Variants in SERINC5 observed in about 807,000 individuals in gnomAD.
The protein encoded by SERINC5 is serine incorporator 5.
A neutral mutation model predicts 63.1 loss-of-function variants in SERINC5; 41 were observed. The ratio of observed to expected loss-of-function variants is 0.65; its 90% CI spans 0.51 to 0.84. The LOEUF is 0.84. Among genes scored for constraint, SERINC5 ranks in the 40% least tolerant of loss-of-function variants. The pLI is 0.00. For synonymous variants in SERINC5, 222 were observed against 215.2 expected (o/e 1.03, Z -0.28); for missense variants, 523 against 573.0 (o/e 0.91, Z 0.89).
intron 11 of SERINC5, among the ~76,000 whole-genome samples, chr5:80,131,289 G>T (rs892643656): frequency 6.6e-6 from 1 of 152,180 alleles, no homozygotes; most frequent in African/African-American, 2.4e-5. Context: ...TCTCTTGCCT[G>T]CCACCATGTA....
intron 1 of SERINC5, among the ~76,000 whole-genome samples, chr5:80,248,233 C>A (rs145877238): frequency 1.3e-5 from 2 of 152,134 alleles, no homozygotes; most frequent in African/African-American, 4.8e-5. Flanking sequence ...ACTCTTATGA[C>A]ACTATGCCAA....
chr5:80,214,570 AC>A (rs1256722598), intron 1 of SERINC5, among the ~76,000 whole-genome samples: 2 of 151,088 alleles, frequency 1.3e-5, no homozygotes, highest in Admixed American at 6.6e-5. Context: ...CAAAAAAAAA[AC>A]GAACAAAAAA....
intron 1 of SERINC5, among the ~76,000 whole-genome samples, chr5:80,208,024 T>C (rs1359366148): frequency 6.6e-6 from 1 of 152,126 alleles, no homozygotes; most frequent in Non-Finnish European, 1.5e-5. Context: ...CTTTCAAAAC[T>C]GGAAAAATCA....
intron 2 of SERINC5, among the ~76,000 whole-genome samples, chr5:80,201,068 C>T (rs1212499971): frequency 6.6e-6 from 1 of 152,096 alleles, no homozygotes; most frequent in Non-Finnish European, 1.5e-5. Flanking sequence ...CATTGCACTC[C>T]AGCCTGGGCA....
intron 10 of SERINC5, among the ~76,000 whole-genome samples, 152 bp downstream of exon 10, chr5:80,147,093 A>G (rs1745873450): frequency 6.6e-6 from 1 of 152,250 alleles, no homozygotes. Flanking sequence ...TTCAGGAAGA[A>G]TGTGAAAAGT....
chr5:80,147,399 T>A, intron 9 of SERINC5, 115 bp from the exon 10 acceptor site: 2 of 1,070,210 alleles, frequency 1.9e-6, no homozygotes, highest in Non-Finnish European at 2.7e-6. Context: ...AGATGTGGAC[T>A]GTTCTTTCCC....
intron 2 of SERINC5, among the ~76,000 whole-genome samples, chr5:80,184,977 AG>A (rs908196887): frequency 6.6e-6 from 1 of 152,056 alleles, no homozygotes; most frequent in African/African-American, 2.4e-5. Context: ...CCCAGGTTCA[AG>A]CGATTCTCCT....
intron 1 of SERINC5, among the ~76,000 whole-genome samples, chr5:80,234,337 C>T (rs549472079): frequency 6.6e-6 from 1 of 152,246 alleles, no homozygotes; most frequent in South Asian, 2.1e-4. Flanking sequence ...CCATTCACCT[C>T]ACTACACTTA....
chr5:80,239,770 G>T (rs1751868634), intron 1 of SERINC5, among the ~76,000 whole-genome samples: 2 of 152,108 alleles, frequency 1.3e-5, no homozygotes, highest in African/African-American at 4.8e-5. Flanking sequence ...GCAGGAAGAA[G>T]AATTAAACCA....
intron 2 of SERINC5, among the ~76,000 whole-genome samples, chr5:80,200,268 G>A (rs1210635566): frequency 6.6e-6 from 1 of 151,092 alleles, no homozygotes; most frequent in African/African-American, 2.4e-5. Flanking sequence ...ACGAGGTCAG[G>A]AGATCGAGAC....
At chr5:80,202,538 G>T (rs1444634803) in intron 2 of SERINC5, among the ~76,000 whole-genome samples, 2 of 152,042 alleles carry the variant, frequency 1.3e-5, no homozygotes, top group Non-Finnish European at 2.9e-5. Context: ...TGCACCGAAG[G>T]CCCTGACTTC....
chr5:80,174,293 G>C (rs973696229), intron 5 of SERINC5, among the ~76,000 whole-genome samples: 1 of 150,968 alleles, frequency 6.6e-6, no homozygotes. Flanking sequence ...CTGAAGCCTG[G>C]GAAATCGAAG....
intron 2 of SERINC5, among the ~76,000 whole-genome samples, chr5:80,188,785 G>A (rs1046844745): frequency 3.2e-4 from 49 of 152,254 alleles, no homozygotes; most frequent in African/African-American, 9.4e-4. Flanking sequence ...TTACTCAGGA[G>A]GCTGGGGTAG....
rs147637129 is a variant in SERINC5, at chr5:80,142,144, C to T, written c.*1519G>A. 11 of 985,386 alleles carry T rather than the reference C, an allele frequency of 1.1e-5. No individual in the cohort carries two copies. Among genetic ancestry groups the T allele is most frequent in the East Asian group, 2.3e-4 (2 of 8,814 alleles). 61.0% of individuals were successfully genotyped at this position (985,386 alleles called of 1,614,324 possible). A position where few individuals can be genotyped will look rare whatever the true frequency, so the allele number is the denominator to read the frequency against. Reference sequence around the variant, plus strand: ...GAGCTCGAGAAGATTCTTTCCACCCCGAATGAAATTCTAACAGGAGTTTCC... The same window carrying T: ...GAGCTCGAGAAGATTCTTTCCACCCTGAATGAAATTCTAACAGGAGTTTCC... On this transcript the variant is annotated 3_prime_UTR_variant, in exon 12 of 12. Transcript: ENST00000507668.
chr5:80,197,812 A>G (rs1749604250), intron 2 of SERINC5, among the ~76,000 whole-genome samples: 1 of 152,056 alleles, frequency 6.6e-6, no homozygotes, highest in African/African-American at 2.4e-5. Context: ...TTTCTTGCCC[A>G]CTTTTGTTCC....
chr5:80,156,918 G>A (rs1746557697), intron 8 of SERINC5: 1 of 150,576 alleles, frequency 6.6e-6, no homozygotes, highest in Non-Finnish European at 1.5e-5. Flanking sequence ...AGGCTAAGAA[G>A]AATTTTTGCC....
rs1381723665 is a variant in SERINC5 at position 80,177,411 on chromosome 5, G to A, written c.375-14C>T. On this transcript the variant is annotated splice_polypyrimidine_tract_variant and intron_variant, in intron 3 of 11. Coordinates refer to ENST00000507668, the MANE Select transcript of SERINC5 (RefSeq NM_001174072.3). ...AAGAACCAAAAGCTAGAAGTGGGGG[G>A]AAAAAAAAGAGGAAATGTATTTAAA... 8.2e-6 allele frequency: 13 copies of A among 1,583,650 alleles called. No individual in the cohort carries two copies. The highest frequency in any genetic ancestry group is 3.4e-5 in the Admixed American group (2 of 58,356).
chr5:80,113,200 G>A (rs549741117), intron 12 of SERINC5, among the ~76,000 whole-genome samples: 2 of 152,184 alleles, frequency 1.3e-5, no homozygotes, highest in East Asian at 3.9e-4. Context: ...TATTCTTAAA[G>A]TTCCTGATAG....
chr5:80,141,206 A>G lies in SERINC5; in HGVS notation c.*2457T>C. 1.0e-6 allele frequency: 1 copy of G among 985,458 alleles called. No homozygotes were observed. Among genetic ancestry groups the G allele is most frequent in the Non-Finnish European group, 1.2e-6 (1 of 829,936 alleles). The allele number at this position is 985,458 out of a possible 1,614,324, so 61.0% of individuals were successfully genotyped here. On this transcript the variant is annotated 3_prime_UTR_variant, in exon 12 of 12. Coordinates refer to ENST00000507668, the MANE Select transcript of SERINC5 (RefSeq NM_001174072.3). ...TGCTAACATTTTCAGCTGAGAATAA[A>G]ATTCAGAGCAACTGTAACTCTTCCT...
Sources: gnomAD v4.1 joint callset for allele counts (sites outside exome capture counted in the v4.1 genomes callset) on GRCh38, gnomAD v4.1.1 for gene constraint, MANE v1.5 for transcripts, NCBI Gene and HGNC (gene_info 2026-07-23, HGNC 2026-07-21) for gene names.